The following PTPRN2 variants were observed in gnomAD, a reference collection of about 807,000 sequenced individuals.
PTPRN2 encodes protein tyrosine phosphatase receptor type N2, also known as receptor-type tyrosine-protein phosphatase N2.
PTPRN2 carries 74 observed loss-of-function variants against 118.8 expected under a neutral mutation model. That is an observed-to-expected ratio of 0.62 (90% CI 0.52 to 0.76). The LOEUF (loss-of-function observed/expected upper bound fraction) is 0.76, where lower values mean the gene tolerates loss of function less well. Ranked by LOEUF, PTPRN2 falls within the 30% of genes least tolerant of loss-of-function variation. PTPRN2 has a pLI of 0.00. For missense variants in PTPRN2, 1,481 were observed against 1,394.4 expected (o/e 1.06, Z -0.99); for synonymous variants, 641 against 608.0 (o/e 1.05, Z -0.80).
At chr7:158,389,889 A>T (rs575037717) in intron 2 of PTPRN2, among the ~76,000 whole-genome samples, 1 of 152,384 alleles carries the variant, frequency 6.6e-6, no homozygotes, top group Admixed American at 6.5e-5. Context: ...TAATGGACAC[A>T]TCCAGAAAGC....
rs190185696 is a variant in PTPRN2 at position 158,559,053 on chromosome 7, C to T, written c.112+28505G>A. Among the ~76,000 whole-genome samples, 4 of 152,342 alleles carry T rather than the reference C, an allele frequency of 2.6e-5. No homozygotes were observed. The East Asian group carries it at 5.8e-4, about 22-fold the overall frequency. ...CAAACCCAGACCCAGTGAGGCCCTG[C>T]CTGGCCCCAGATCCCGACAGAGCAG... On this transcript the variant is annotated intron_variant, in intron 1 of 22. Transcript: ENST00000389418.
At chr7:158,516,837 G>A (rs1049196072) in intron 1 of PTPRN2, among the ~76,000 whole-genome samples, 36 of 151,392 alleles carry the variant, frequency 2.4e-4, no homozygotes, top group African/African-American at 7.3e-4. Flanking sequence ...TCTTGGTGCC[G>A]TTCTTGGTGC....
intron 22 of PTPRN2, among the ~76,000 whole-genome samples, chr7:157,543,651 T>C (rs932149783): frequency 6.6e-5 from 10 of 152,234 alleles, no homozygotes; most frequent in African/African-American, 2.2e-4. Flanking sequence ...ATCCTTCAGG[T>C]GTAAACAAAG....
chr7:158,373,208 C>A (rs555768470), intron 2 of PTPRN2, among the ~76,000 whole-genome samples: 3 of 152,330 alleles, frequency 2.0e-5, no homozygotes, highest in South Asian at 2.1e-4. Flanking sequence ...GACGCCCGTA[C>A]GCTGCGGAAT....
intron 2 of PTPRN2, among the ~76,000 whole-genome samples, chr7:158,357,338 C>T (rs536552715): frequency 1.5e-4 from 23 of 152,364 alleles, no homozygotes; most frequent in South Asian, 8.3e-4. Context: ...CTGTCGTTGA[C>T]GCCCTGTGGC....
At chr7:157,556,472 CAT>C (rs1380258636) in intron 21 of PTPRN2, among the ~76,000 whole-genome samples, 15 of 151,236 alleles carry the variant, frequency 9.9e-5, no homozygotes, top group Non-Finnish European at 1.8e-4. Flanking sequence ...CACCCACACT[CAT>C]GTCATACATA....
chr7:157,567,495 G>A (rs1490622063), intron 21 of PTPRN2, among the ~76,000 whole-genome samples: 3 of 152,086 alleles, frequency 2.0e-5, no homozygotes, highest in African/African-American at 2.4e-5. Flanking sequence ...GTCCTTCTGC[G>A]TAAAGCCATG....
In PTPRN2 at chr7:158,120,995, C is replaced by T. The variant is rs191552276; in HGVS notation, c.1557-10080G>A. Among the ~76,000 whole-genome samples the T allele has an allele frequency of 3.5e-3, 528 of 152,330 alleles. 3 individuals are homozygous for T. Among genetic ancestry groups the T allele is most frequent in the African/African-American group, 0.012 (500 of 41,568 alleles). ...TCCAACCAGCCTCCCTGCTCCAAGC[C>T]AAACCCTCCTGGCAGGCAAGTGCGA... On this transcript the variant is annotated intron_variant, in intron 9 of 22. Coordinates refer to ENST00000389418, the MANE Select transcript of PTPRN2 (RefSeq NM_002847.5).
At chr7:158,587,442 C>CT in intron 1 of PTPRN2, 116 bp downstream of exon 1, 1 of 468,522 alleles carries the variant, frequency 2.1e-6, no homozygotes, top group Non-Finnish European at 2.6e-6. Flanking sequence ...GCGCCTCTCC[C>CT]CCCGACCCCT....
At chr7:158,325,384 CTTATT>C (rs1803414242) in intron 2 of PTPRN2, among the ~76,000 whole-genome samples, 1 of 150,702 alleles carries the variant, frequency 6.6e-6, no homozygotes, top group African/African-American at 2.4e-5. Context: ...TTTAACATTT[CTTATT>C]TATTTATGGA....
chr7:157,758,966 G>A (rs528389004), intron 12 of PTPRN2, among the ~76,000 whole-genome samples: 14 of 152,320 alleles, frequency 9.2e-5, no homozygotes, highest in Non-Finnish European at 1.3e-4. Flanking sequence ...GAGTGACATC[G>A]CTCCTTAACT....
chr7:158,508,577 G>A (rs1822944105), intron 1 of PTPRN2, among the ~76,000 whole-genome samples: 1 of 151,856 alleles, frequency 6.6e-6, no homozygotes, highest in Non-Finnish European at 1.5e-5. Flanking sequence ...AGCAGGTGCG[G>A]AAGTGGCTCC....
chr7:158,380,133 T>G (rs1022083851), intron 2 of PTPRN2, among the ~76,000 whole-genome samples: 1 of 152,178 alleles, frequency 6.6e-6, no homozygotes, highest in African/African-American at 2.4e-5. Flanking sequence ...CATATCATTA[T>G]GCCCCTGGCC....
At chr7:157,778,193 G>C (rs1375793776) in intron 12 of PTPRN2, among the ~76,000 whole-genome samples, 1 of 152,216 alleles carries the variant, frequency 6.6e-6, no homozygotes. Flanking sequence ...CTTCTCAAAA[G>C]CCAACGCTCC....
At chr7:158,286,576 GT>G (rs909319013) in intron 3 of PTPRN2, among the ~76,000 whole-genome samples, 8 of 152,134 alleles carry the variant, frequency 5.3e-5, no homozygotes, top group African/African-American at 1.9e-4. Flanking sequence ...AGGATGTTGT[GT>G]TTTGTTGTAT....
rs907520736 is a variant in PTPRN2 at position 158,570,338 on chromosome 7, G to A, written c.112+17220C>T. 4.6e-5 allele frequency among the ~76,000 whole-genome samples: 7 copies of A among 152,212 alleles called. No homozygotes were observed. Among genetic ancestry groups the A allele is most frequent in the Non-Finnish European group, 8.8e-5 (6 of 68,032 alleles). On this transcript the variant is annotated intron_variant, in intron 1 of 22. Coordinates refer to ENST00000389418, the MANE Select transcript of PTPRN2 (RefSeq NM_002847.5). The surrounding 1 kb of genome is among the most constrained non-coding windows in gnomAD (Gnocchi z 4.5). ...ACACTCCACCGCGCTCTGCCAACCG[G>A]GACAAGGTGTTTTGCTGAATAAATA...
intron 3 of PTPRN2, among the ~76,000 whole-genome samples, chr7:158,259,454 C>T (rs1182380420): frequency 6.6e-6 from 1 of 152,186 alleles, no homozygotes; most frequent in East Asian, 1.9e-4. Context: ...CCTCAGAGCC[C>T]CTGGGAAAAG....
At chr7:157,777,801 A>T (rs1483721811) in intron 12 of PTPRN2, among the ~76,000 whole-genome samples, 1 of 152,242 alleles carries the variant, frequency 6.6e-6, no homozygotes, top group African/African-American at 2.4e-5. Context: ...ATAGAAATGA[A>T]AATTTCTTTA....
chr7:157,546,514 T>C (rs1445176211), intron 22 of PTPRN2, among the ~76,000 whole-genome samples: 1 of 152,222 alleles, frequency 6.6e-6, no homozygotes, highest in East Asian at 1.9e-4. Context: ...CATTTATAAG[T>C]GGGAACAGGC....
Sources: allele counts gnomAD v4.1 joint callset (sites outside exome capture counted in the v4.1 genomes callset), GRCh38; gene constraint gnomAD v4.1.1; non-coding constraint Gnocchi (gnomAD v3.1); transcripts MANE v1.5; gene names NCBI Gene and HGNC (gene_info 2026-07-23, HGNC 2026-07-21).